Variants in TEC observed in about 807,000 individuals in gnomAD.
TEC encodes tec protein tyrosine kinase.
A neutral mutation model predicts 93.0 loss-of-function variants in TEC; 72 were observed. The ratio of observed to expected loss-of-function variants is 0.77; its 90% CI spans 0.64 to 0.94. The LOEUF (loss-of-function observed/expected upper bound fraction) is 0.94, where lower values mean the gene tolerates loss of function less well. Ranked by LOEUF, TEC falls within the 40% of genes least tolerant of loss-of-function variation. The probability of loss-of-function intolerance (pLI) is 0.00; values close to 1 mark genes in which losing one functional copy is unlikely to be tolerated. For synonymous variants in TEC, 249 were observed against 247.7 expected, an observed-to-expected ratio of 1.01 and a Z score of -0.05; for missense variants, 630 against 757.9, an observed-to-expected ratio of 0.83 and a Z score of 1.98.
chr4:48,253,307 T>C (rs1226324311), intron 1 of TEC, among the ~76,000 whole-genome samples: 1 of 152,164 alleles, frequency 6.6e-6, no homozygotes, highest in African/African-American at 2.4e-5. Context: ...TCTCCCTGCT[T>C]CCACATAACT....
At chr4:48,254,858 C>T (rs1490260810) in intron 1 of TEC, among the ~76,000 whole-genome samples, 1 of 151,792 alleles carries the variant, frequency 6.6e-6, no homozygotes, top group Non-Finnish European at 1.5e-5. Context: ...GTGGCACCTC[C>T]TTTCACTAGG....
chr4:48,179,970 G>A (rs1560393798), intron 2 of TEC, among the ~76,000 whole-genome samples: 2 of 152,128 alleles, frequency 1.3e-5, no homozygotes, highest in South Asian at 4.1e-4. Context: ...GCCATGGTCT[G>A]CTTTCAAAAC....
chr4:48,179,338 GTATATATATATATA>G (rs61241595), intron 2 of TEC, among the ~76,000 whole-genome samples: 3,759 of 51,584 alleles, frequency 0.073, 277 homozygotes, highest in East Asian at 0.28. Flanking sequence ...GACGTGGGTA[GTATATATATATATA>G]TATATATATA....
chr4:48,171,916 T>C (rs544827600), intron 3 of TEC, among the ~76,000 whole-genome samples: 1 of 152,366 alleles, frequency 6.6e-6, no homozygotes, highest in African/African-American at 2.4e-5. Context: ...CAATTAATCC[T>C]GCCATCAAGG....
Position 48,149,560 on chromosome 4 carries a change from C to G in TEC, c.1003G>C (p.Ala335Pro). 1 of 1,599,510 alleles carries G rather than the reference C, an allele frequency of 6.3e-7. No individual in the cohort carries two copies. The highest frequency in any genetic ancestry group is 8.5e-7 in the Non-Finnish European group (1 of 1,174,970). The stretch of plus-strand genomic sequence containing the variant: ...TAGGTTTTCACAGCTCACTTACCTG[C>G]TGCATTGTGCTTATGATATTCAATA... The part of the protein sequence containing the change: ...EIIEYHKHNA[A>P]GLVTRLRYPV... The change falls in exon 11 of 18, where the codon GCA (alanine) becomes CCA (proline). Residue 335 changes from alanine (A) to proline (P), a missense_variant. Around this residue, in one of 3 missense-constraint regions of TEC, gnomAD observed 289 missense variants for 390.0 expected, o/e 0.74. Transcript: ENST00000381501.
At chr4:48,179,368 ATATATATATTTTT>A (rs1450344387) in intron 2 of TEC, among the ~76,000 whole-genome samples, 4 of 37,670 alleles carry the variant, frequency 1.1e-4, no homozygotes, top group East Asian at 1.6e-3. Context: ...ATATATATAT[ATATATATATTTTT>A]TTTTTTTTTT....
At chr4:48,233,771 A>G (rs1434247241) in intron 1 of TEC, among the ~76,000 whole-genome samples, 1 of 151,950 alleles carries the variant, frequency 6.6e-6, no homozygotes, top group Non-Finnish European at 1.5e-5. Context: ...GACAGAACTT[A>G]AAAACTCAAT....
chr4:48,252,905 G>T (rs1724240924), intron 1 of TEC, among the ~76,000 whole-genome samples: 1 of 152,202 alleles, frequency 6.6e-6, no homozygotes, highest in African/African-American at 2.4e-5. Context: ...CATGCTTGTT[G>T]AATGAATGAA....
At chr4:48,200,952 G>C (rs1722484223) in intron 2 of TEC, among the ~76,000 whole-genome samples, 2 of 152,200 alleles carry the variant, frequency 1.3e-5, no homozygotes, top group Admixed American at 1.3e-4. Context: ...CTGAGAAAAA[G>C]AAGAAACTTT....
At chr4:48,251,756 G>A (rs1292635046) in intron 1 of TEC, among the ~76,000 whole-genome samples, 2 of 152,154 alleles carry the variant, frequency 1.3e-5, no homozygotes, top group East Asian at 1.9e-4. Context: ...GAAGAGGGGT[G>A]GGATGATATT....
chr4:48,183,358 A>T (rs1179012498), intron 2 of TEC, among the ~76,000 whole-genome samples: 1 of 152,208 alleles, frequency 6.6e-6, no homozygotes, highest in Non-Finnish European at 1.5e-5. Context: ...TGAGTAGGCT[A>T]AGGGATACTC....
At chr4:48,212,905 C>T (rs1722958920) in intron 2 of TEC, among the ~76,000 whole-genome samples, 1 of 152,180 alleles carries the variant, frequency 6.6e-6, no homozygotes, top group Admixed American at 6.5e-5. Flanking sequence ...TTAATTACTC[C>T]ATCCCTAGCA....
chr4:48,148,966 C>T (rs556209459), intron 11 of TEC, among the ~76,000 whole-genome samples: 2 of 152,246 alleles, frequency 1.3e-5, no homozygotes, highest in South Asian at 2.1e-4. Context: ...AGGATAATGG[C>T]CTCCAGCTCC....
In TEC at chr4:48,156,662, A is replaced by G. The variant is rs762071203; in HGVS notation, c.792+18T>C. On this transcript the variant is annotated intron_variant, in intron 9 of 17. Transcript: ENST00000381501. ...ATTAATTTGCCCTTAAGCCAAACCC[A>G]CAAGTACAAACACTTACTTCACTGC... 32 of 1,600,426 alleles carry G rather than the reference A, an allele frequency of 2.0e-5. No individual in the cohort carries two copies. The highest frequency in any genetic ancestry group is 2.7e-5 in the Non-Finnish European group (32 of 1,176,504).
At chr4:48,218,490 T>C (rs1723149639) in intron 2 of TEC, among the ~76,000 whole-genome samples, 1 of 152,224 alleles carries the variant, frequency 6.6e-6, no homozygotes, top group Non-Finnish European at 1.5e-5. Flanking sequence ...TAACATTTGA[T>C]GCAGATACTT....
At chr4:48,238,118 T>C (rs1166307209) in intron 1 of TEC, among the ~76,000 whole-genome samples, 1 of 152,154 alleles carries the variant, frequency 6.6e-6, no homozygotes, top group Non-Finnish European at 1.5e-5. Context: ...AAAAAAATAC[T>C]AGGATGAGTT....
chr4:48,158,793 AAGG>A (rs995488529), intron 8 of TEC, among the ~76,000 whole-genome samples: 13 of 152,276 alleles, frequency 8.5e-5, no homozygotes, highest in Admixed American at 8.5e-4. Context: ...AGCTCCTCAG[AAGG>A]AGGAGGAAAG....
At chr4:48,253,173 G>A (rs1221062259) in intron 1 of TEC, among the ~76,000 whole-genome samples, 3 of 152,136 alleles carry the variant, frequency 2.0e-5, no homozygotes, top group Admixed American at 6.5e-5. Context: ...CATGAAATAC[G>A]TAAGTTATCT....
At chr4:48,263,378 C>T (rs1287414699) in intron 1 of TEC, among the ~76,000 whole-genome samples, 2 of 152,224 alleles carry the variant, frequency 1.3e-5, no homozygotes, top group East Asian at 3.9e-4. Flanking sequence ...ATTCAGAGGT[C>T]AAGATGGCAG....
Sources: allele counts gnomAD v4.1 joint callset (sites outside exome capture counted in the v4.1 genomes callset), GRCh38; gene constraint gnomAD v4.1.1; regional missense constraint gnomAD v4.1.1; transcripts MANE v1.5; gene names NCBI Gene and HGNC (gene_info 2026-07-23, HGNC 2026-07-21).